The following MAP3K1 variants were observed in gnomAD, a reference collection of about 807,000 sequenced individuals.
MAP3K1 encodes the protein MAP/ERK kinase kinase 1.
Under a neutral mutation model 144.2 loss-of-function variants are expected in MAP3K1, and 36 were observed. The ratio of observed to expected loss-of-function variants is 0.25; its 90% CI spans 0.19 to 0.33. The LOEUF (loss-of-function observed/expected upper bound fraction) is 0.33. Among genes scored for constraint, MAP3K1 ranks in the 10% least tolerant of loss-of-function variants. The probability of loss-of-function intolerance (pLI) is 1.00; values close to 1 mark genes in which losing one functional copy is unlikely to be tolerated. For synonymous variants in MAP3K1, 718 were observed against 688.7 expected (o/e 1.04, Z -0.67); for missense variants, 1,650 against 1,881.9 (o/e 0.88, Z 2.28).
At chr5:56,852,261 T>C (rs891855655) in intron 1 of MAP3K1, among the ~76,000 whole-genome samples, 12 of 152,158 alleles carry the variant, frequency 7.9e-5, no homozygotes, top group African/African-American at 2.7e-4. Flanking sequence ...AAAGACCTCA[T>C]AGAAGAGTAG....
intron 15 of MAP3K1, 27 bp from the exon 16 acceptor site, chr5:56,884,637 C>A: frequency 6.2e-7 from 1 of 1,612,200 alleles, no homozygotes; most frequent in Non-Finnish European, 8.5e-7. Flanking sequence ...ATATGCAAAA[C>A]TTTGTGAACG....
At chr5:56,868,985 A>T (rs1457355820) in intron 6 of MAP3K1, among the ~76,000 whole-genome samples, 1 of 152,158 alleles carries the variant, frequency 6.6e-6, no homozygotes, top group East Asian at 1.9e-4. Context: ...TTGCACTTAC[A>T]TGAGATACTT....
Position 56,856,840 on chromosome 5 carries a change from T to C in MAP3K1, c.633+90T>C, listed in dbSNP as rs953423555. 4 of 1,365,718 alleles carry C rather than the reference T, an allele frequency of 2.9e-6. No individual in the cohort carries two copies. The African/African-American group carries it at 5.8e-5, about 20-fold the overall frequency. The allele number at this position is 1,365,718 out of a possible 1,614,324, so 84.6% of individuals were successfully genotyped here. A position where few individuals can be genotyped will look rare whatever the true frequency, so the allele number is the denominator to read the frequency against. On this transcript the variant is annotated intron_variant, in intron 2 of 19. Transcript: ENST00000399503. ...AAATAGATCCTCTTGTAAGCTTTTC[T>C]TCTTCATTTTAAATGTAGTAGTTTT... is the stretch of plus-strand genomic sequence containing the variant.
intron 1 of MAP3K1, among the ~76,000 whole-genome samples, chr5:56,854,455 G>GAA (rs1561181509): frequency 2.4e-5 from 3 of 126,784 alleles, no homozygotes; most frequent in Admixed American, 7.7e-5. Flanking sequence ...AAAAAAGAAA[G>GAA]AAAAAAGAAA....
Position 56,893,513 on chromosome 5 carries a change from C to G in MAP3K1, c.4390-18C>G. 1 of 1,613,504 alleles carries G rather than the reference C, an allele frequency of 6.2e-7. No homozygotes were observed. The highest frequency in any genetic ancestry group is 8.5e-7 in the Non-Finnish European group (1 of 1,179,556). On this transcript the variant is annotated intron_variant, in intron 19 of 19. Coordinates refer to ENST00000399503, the MANE Select transcript of MAP3K1 (RefSeq NM_005921.2). ...GTTACAGTTGTGCAAAGCTTCAACA[C>G]TGGCTTTTTCTCCACAGATTGCTAG...
intron 10 of MAP3K1, among the ~76,000 whole-genome samples, chr5:56,876,895 T>C (rs1188274676): frequency 6.6e-6 from 1 of 152,236 alleles, no homozygotes; most frequent in Admixed American, 6.5e-5. Flanking sequence ...TTCTGTTTCT[T>C]TGACATTCCT....
chr5:56,820,454 C>G (rs1746119187), intron 1 of MAP3K1: 1 of 984,902 alleles, frequency 1.0e-6, no homozygotes. Flanking sequence ...CTACCCTGTG[C>G]TAAGTTTGCC....
intron 15 of MAP3K1, 58 bp downstream of exon 15, chr5:56,883,737 C>CAGA (rs1748295589): frequency 1.3e-6 from 2 of 1,562,772 alleles, no homozygotes; most frequent in Admixed American, 1.7e-5. Context: ...GAAGCATGTT[C>CAGA]AGTAAAAAGA....
intron 6 of MAP3K1, among the ~76,000 whole-genome samples, chr5:56,868,752 CAGGATCTATCT>C (rs1236384741): frequency 2.0e-5 from 3 of 152,126 alleles, no homozygotes; most frequent in Non-Finnish European, 4.4e-5. Flanking sequence ...ATACTTAAAA[CAGGATCTATCT>C]AGTCAGTGGA....
chr5:56,872,129 T>TGA, intron 7 of MAP3K1, 98 bp downstream of exon 7: 2 of 1,501,326 alleles, frequency 1.3e-6, no homozygotes, highest in Non-Finnish European at 1.8e-6. Context: ...GGGAAATTGG[T>TGA]GAGAGAATAA....
At chr5:56,889,163 C>T (rs1464905519) in intron 19 of MAP3K1, among the ~76,000 whole-genome samples, 3 of 151,912 alleles carry the variant, frequency 2.0e-5, no homozygotes, top group Non-Finnish European at 4.4e-5. Flanking sequence ...TTCTTTTGTT[C>T]GTTTGTTTTT....
intron 1 of MAP3K1, among the ~76,000 whole-genome samples, chr5:56,823,493 A>T (rs1746217303): frequency 6.6e-6 from 1 of 152,200 alleles, no homozygotes; most frequent in African/African-American, 2.4e-5. Context: ...CATTTGATGA[A>T]TGACTGCCTT....
At chr5:56,889,450 C>G (rs1358926872) in intron 19 of MAP3K1, among the ~76,000 whole-genome samples, 5 of 152,198 alleles carry the variant, frequency 3.3e-5, no homozygotes, top group Non-Finnish European at 5.9e-5. Context: ...GCGTGAGCCA[C>G]CACTCCTGGC....
At chr5:56,886,856 C>T (rs1276881763) in intron 17 of MAP3K1, among the ~76,000 whole-genome samples, 1 of 152,082 alleles carries the variant, frequency 6.6e-6, no homozygotes, top group Non-Finnish European at 1.5e-5. Flanking sequence ...ATTTCCTGGG[C>T]TCAAGTGATC....
Position 56,891,155 on chromosome 5 carries a change from C to CA in MAP3K1, c.4390-2376_4390-2375insA, listed in dbSNP as rs964590166. ...ACACACAGACACACACACACCCCCCCCCCCCACACACACACACACAAATCA... is the reference window on the plus strand; with the variant it reads ...ACACACAGACACACACACACCCCCCCACCCCCACACACACACACACAAATCA... On this transcript the variant is annotated intron_variant, in intron 19 of 19. Transcript: ENST00000399503. Among the ~76,000 whole-genome samples, 201 of 148,952 alleles carry CA rather than the reference C, an allele frequency of 1.3e-3. 1 individual carries two copies. Among genetic ancestry groups the CA allele is most frequent in the Admixed American group, 8.7e-4 (13 of 14,928 alleles).
At chr5:56,871,029 T>C (rs1189908492) in intron 6 of MAP3K1, among the ~76,000 whole-genome samples, 1 of 152,198 alleles carries the variant, frequency 6.6e-6, no homozygotes, top group Non-Finnish European at 1.5e-5. Context: ...CAATTGCCTT[T>C]TTATTTCCTT....
At chr5:56,828,434 G>A (rs540697415) in intron 1 of MAP3K1, among the ~76,000 whole-genome samples, 82 of 152,278 alleles carry the variant, frequency 5.4e-4, no homozygotes, top group African/African-American at 1.9e-3. Context: ...AAATTTAGCT[G>A]TAATTATTGA....
Position 56,882,748 on chromosome 5 carries a change from C to T in MAP3K1, c.3548C>T (p.Ala1183Val). 8 of 1,612,370 alleles carry T rather than the reference C, an allele frequency of 5.0e-6. No homozygotes were observed. The South Asian group carries it at 7.7e-5, about 16-fold the overall frequency. Residue 1183 changes from alanine to valine, a missense_variant, in exon 14 of 20, where the codon GCT becomes GTT. Transcript: ENST00000399503. ...CAAAAGTGCAAAGAGAAGATGGAAG[C>T]TGAAGAAGAAGAAGCTTTAGCAATT... ...HNQKCKEKME[A>V]EEEEALAIAM...
Position 56,882,862 on chromosome 5 carries a change from A to G in MAP3K1, c.3662A>G (p.Gln1221Arg), listed in dbSNP as rs748565085. 1 of 1,606,766 alleles carries G rather than the reference A, an allele frequency of 6.2e-7. No homozygotes were observed. Among genetic ancestry groups the G allele is most frequent in the Non-Finnish European group, 8.5e-7 (1 of 1,178,340 alleles). ...GGAGAAGATATCATCATTATTCAAC[A>G]GGATGTAAGTATAGATTCTTTAAGA... is the stretch of plus-strand genomic sequence containing the variant. ...ENGEDIIIIQ[Q>R]DTPETLPGHT... The change falls in exon 14 of 20, where the codon CAG becomes CGG. Residue 1221 changes from glutamine (Q) to arginine (R), a missense_variant. Around this residue, in one of 6 missense-constraint regions of MAP3K1, gnomAD observed 841 missense variants for 886.5 expected, o/e 0.95. Coordinates refer to ENST00000399503, the MANE Select transcript of MAP3K1 (RefSeq NM_005921.2).
Sources: gnomAD v4.1 joint callset for allele counts (sites outside exome capture counted in the v4.1 genomes callset) on GRCh38, gnomAD v4.1.1 for gene constraint, gnomAD v4.1.1 regional missense constraint, MANE v1.5 for transcripts, NCBI Gene and HGNC (gene_info 2026-07-23, HGNC 2026-07-21) for gene names.